The following ARHGAP28 variants were observed in gnomAD, a reference collection of about 807,000 sequenced individuals.
ARHGAP28 encodes rho GTPase-activating protein 28.
In ARHGAP28, 56 loss-of-function variants were observed where a neutral mutation model predicts 90.7. The observed-to-expected ratio is 0.62, with a 90% CI of 0.50 to 0.77. ARHGAP28 has a LOEUF of 0.77. ARHGAP28 is among the 30% of genes least tolerant of loss of function. ARHGAP28 has a pLI of 0.00. For synonymous variants in ARHGAP28, 308 were observed against 323.3 expected (o/e 0.95, Z 0.51); for missense variants, 869 against 900.9 (o/e 0.96, Z 0.45).
At chr18:6,808,854 G>A (rs1039635401) in intron 1 of ARHGAP28, among the ~76,000 whole-genome samples, 64 of 152,328 alleles carry the variant, frequency 4.2e-4, no homozygotes, top group African/African-American at 1.5e-3. Context: ...GGTTCTTTGT[G>A]TAGAAGTTAA....
At chr18:6,864,738 G>A (rs1283493422) in intron 5 of ARHGAP28, among the ~76,000 whole-genome samples, 5 of 152,112 alleles carry the variant, frequency 3.3e-5, no homozygotes, top group Admixed American at 2.6e-4. Context: ...AGGCTGGAGT[G>A]CAATGGCATG....
intron 3 of ARHGAP28, among the ~76,000 whole-genome samples, chr18:6,839,689 A>G (rs2143882480): frequency 6.6e-6 from 1 of 152,344 alleles, no homozygotes; most frequent in South Asian, 2.1e-4. Context: ...AGGAAAGAGG[A>G]AAGCAAATAT....
intron 4 of ARHGAP28, 75 bp from the exon 5 acceptor site, chr18:6,859,733 A>G (rs2056982855): frequency 1.3e-5 from 18 of 1,410,860 alleles, no homozygotes; most frequent in Middle Eastern, 2.0e-4. Flanking sequence ...CTCAGTATGA[A>G]CACAGAGCAG....
chr18:6,757,429 G>A (rs1675612252), intron 1 of ARHGAP28, among the ~76,000 whole-genome samples: 1 of 152,156 alleles, frequency 6.6e-6, no homozygotes, highest in Non-Finnish European at 1.5e-5. Context: ...AGCTTGACCA[G>A]CTTTACATAT....
At chr18:6,862,426 G>A (rs1039474990) in intron 5 of ARHGAP28, among the ~76,000 whole-genome samples, 4 of 152,128 alleles carry the variant, frequency 2.6e-5, no homozygotes, top group Non-Finnish European at 2.9e-5. Flanking sequence ...GGTAAAAGAA[G>A]GTAACCTAAA....
chr18:6,803,981 G>A lies in ARHGAP28; in HGVS notation c.123-20781G>A, dbSNP rs139245558. ...TTTTTAGTAGAGATGGGGTTTCACC[G>A]TATTAGTCAGGATGATCTTGATTTC... On this transcript the variant is annotated intron_variant, in intron 1 of 17. Coordinates refer to ENST00000383472, the MANE Select transcript of ARHGAP28 (RefSeq NM_001366230.1). Among the ~76,000 whole-genome samples, 506 of 152,082 alleles carry A rather than the reference G, an allele frequency of 3.3e-3. 3 individuals are homozygous for A. Among genetic ancestry groups the A allele is most frequent in the African/African-American group, 0.012 (478 of 41,530 alleles).
At chr18:6,752,950 C>CTTTTTTTTTTTTTTTTTTTTTTTT in intron 1 of ARHGAP28, among the ~76,000 whole-genome samples, 1 of 149,410 alleles carries the variant, frequency 6.7e-6, no homozygotes. Context: ...ATTGGCAATA[C>CTTTTTTTTTTTTTTTTTTTTTTTT]TTTTTTTTTT....
rs114187705 is a variant in ARHGAP28 at position 6,822,602 on chromosome 18, C to T, written c.123-2160C>T. ...TCAGCGAGAATTATCACCCGGTTAT[C>T]AGACAAAACTAGCTAAAATTCTTAT... On this transcript the variant is annotated intron_variant, in intron 1 of 17. Coordinates refer to ENST00000383472, the MANE Select transcript of ARHGAP28 (RefSeq NM_001366230.1). 3.7e-3 allele frequency among the ~76,000 whole-genome samples: 562 copies of T among 152,226 alleles called. 2 individuals carry two copies. The highest frequency in any genetic ancestry group is 0.013 in the African/African-American group (547 of 41,542).
At chr18:6,730,250 CAA>C in intron 1 of ARHGAP28, 1 of 146,980 alleles carries the variant, frequency 6.8e-6, no homozygotes, top group Non-Finnish European at 1.3e-5. Context: ...TCATTTCGGC[CAA>C]AGTTGCCTAT....
intron 10 of ARHGAP28, among the ~76,000 whole-genome samples, chr18:6,879,255 CTGTT>C (rs544147404): frequency 2.4e-4 from 36 of 152,306 alleles, no homozygotes; most frequent in African/African-American, 8.7e-4. Context: ...AAGAGGCAGA[CTGTT>C]TGACATGCGA....
intron 1 of ARHGAP28, among the ~76,000 whole-genome samples, chr18:6,803,714 G>A (rs1318070485): frequency 6.6e-6 from 1 of 151,966 alleles, no homozygotes; most frequent in African/African-American, 2.4e-5. Flanking sequence ...ATTCTCTGAT[G>A]AAGCCATCTG....
intron 1 of ARHGAP28, among the ~76,000 whole-genome samples, chr18:6,816,048 T>G (rs2056588570): frequency 6.6e-6 from 1 of 152,216 alleles, no homozygotes; most frequent in South Asian, 2.1e-4. Flanking sequence ...CAGGCAGATC[T>G]ATTTACCTGT....
chr18:6,832,100 A>G (rs2143827613), intron 2 of ARHGAP28, among the ~76,000 whole-genome samples: 1 of 152,166 alleles, frequency 6.6e-6, no homozygotes, highest in Middle Eastern at 3.4e-3. Context: ...TTGAATATGT[A>G]CAGTTCTTTA....
At chr18:6,891,755 C>CT (rs2057267156) in intron 14 of ARHGAP28, among the ~76,000 whole-genome samples, 1 of 152,000 alleles carries the variant, frequency 6.6e-6, no homozygotes, top group South Asian at 2.1e-4. Flanking sequence ...ACCTGGCTAA[C>CT]TTTTTAAAAA....
intron 9 of ARHGAP28, among the ~76,000 whole-genome samples, chr18:6,875,773 G>C (rs1175857538): frequency 1.3e-5 from 2 of 152,178 alleles, no homozygotes; most frequent in East Asian, 1.9e-4. Context: ...AGTAGATTTA[G>C]AATCTCTTGT....
chr18:6,855,785 G>T (rs981502245), intron 4 of ARHGAP28, among the ~76,000 whole-genome samples: 2 of 152,282 alleles, frequency 1.3e-5, no homozygotes, highest in African/African-American at 4.8e-5. Context: ...AGGCACCACC[G>T]CATTCCCTGG....
intron 16 of ARHGAP28, among the ~76,000 whole-genome samples, chr18:6,903,179 G>A (rs186421948): frequency 1.2e-4 from 18 of 152,202 alleles, no homozygotes; most frequent in Admixed American, 2.6e-4. Flanking sequence ...TTTAATAGGC[G>A]TACAGTTTCA....
chr18:6,831,471 G>GTTTTTTTTTTTTTTTTTTTT (rs57331018), intron 2 of ARHGAP28, among the ~76,000 whole-genome samples: 146 of 109,260 alleles, frequency 1.3e-3, no homozygotes, highest in Non-Finnish European at 1.5e-3. Context: ...GTATCTTGAT[G>GTTTTTTTTTTTTTTTTTTTT]TTTTTTTTTT....
chr18:6,856,376 A>G (rs1039334312), intron 4 of ARHGAP28, among the ~76,000 whole-genome samples: 1 of 152,190 alleles, frequency 6.6e-6, no homozygotes, highest in Non-Finnish European at 1.5e-5. Context: ...GGCCCTTTTC[A>G]GTTTCTCAGA....
Sources: allele counts gnomAD v4.1 joint callset (sites outside exome capture counted in the v4.1 genomes callset), GRCh38; gene constraint gnomAD v4.1.1; transcripts MANE v1.5; gene names NCBI Gene and HGNC (gene_info 2026-07-23, HGNC 2026-07-21).